FBXO34: variants seen among roughly 807,000 people sequenced by gnomAD.
FBXO34 encodes the protein F-box only protein 34.
FBXO34 carries 12 observed loss-of-function variants against 24.5 expected under a neutral mutation model. That is an observed-to-expected ratio of 0.49 (90% CI 0.31 to 0.79). The LOEUF (loss-of-function observed/expected upper bound fraction) is 0.79. FBXO34 is among the 30% of genes least tolerant of loss of function. The pLI is 0.04. For missense variants in FBXO34, 823 were observed against 857.7 expected (o/e 0.96, Z 0.51); for synonymous variants, 320 against 311.9 (o/e 1.03, Z -0.27).
At chr14:55,348,742 G>T (rs995637050) in intron 1 of FBXO34, among the ~76,000 whole-genome samples, 3 of 152,224 alleles carry the variant, frequency 2.0e-5, no homozygotes, top group South Asian at 2.1e-4. Context: ...CTGGCTAGAA[G>T]ATATCAATAT....
intron 1 of FBXO34, among the ~76,000 whole-genome samples, chr14:55,317,136 T>C (rs529764959): frequency 6.6e-6 from 1 of 152,200 alleles, no homozygotes; most frequent in South Asian, 2.1e-4. Flanking sequence ...AAGGCCTTAC[T>C]GTGTCAGCCT....
intron 1 of FBXO34, among the ~76,000 whole-genome samples, chr14:55,304,733 C>G (rs1286857217): frequency 1.3e-5 from 2 of 152,148 alleles, no homozygotes; most frequent in Non-Finnish European, 2.9e-5. Context: ...CTCCTGGCCT[C>G]AAGTGATCCT....
downstream of FBXO34, chr14:55,369,561 A>C (rs1357984198): frequency 5.1e-6 from 7 of 1,371,022 alleles, no homozygotes; most frequent in Non-Finnish European, 6.8e-6. Context: ...TGTTTACTAG[A>C]GTGTAGTGGG....
At chr14:55,363,868 C>T (rs1185139393), downstream of FBXO34, among the ~76,000 whole-genome samples, 1 of 151,750 alleles carries the variant, frequency 6.6e-6, no homozygotes, top group Non-Finnish European at 1.5e-5. Context: ...CTTAATGCCT[C>T]TGCGTTTTTT....
chr14:55,387,737 C>T, the FBXO34 span, among the ~76,000 whole-genome samples: 1 of 151,994 alleles, frequency 6.6e-6, no homozygotes, highest in East Asian at 2.0e-4. Flanking sequence ...TGGTGCATCT[C>T]GGCTCACTGC....
chr14:55,307,583 A>T (rs1198374546), intron 1 of FBXO34, among the ~76,000 whole-genome samples: 1 of 152,244 alleles, frequency 6.6e-6, no homozygotes, highest in Non-Finnish European at 1.5e-5. Context: ...CTTTATAAAC[A>T]AGGTAGAAAG....
chr14:55,432,272 G>C, the FBXO34 span, among the ~76,000 whole-genome samples: 2 of 150,526 alleles, frequency 1.3e-5, no homozygotes, highest in Non-Finnish European at 3.0e-5. Flanking sequence ...AATTAGCCAG[G>C]CCTGGTGGTG....
chr14:55,352,534 GT>G lies in FBXO34; in HGVS notation c.*9del, dbSNP rs1321618479. ...GCTGAAGAGGAATACTAAAGTCCATGTGAGAGGCAACAAAAGGACCGGTTTC... is the reference window on the plus strand; with the variant it reads ...GCTGAAGAGGAATACTAAAGTCCATGGAGAGGCAACAAAAGGACCGGTTTC... On this transcript the variant is annotated 3_prime_UTR_variant, in exon 2 of 2. Transcript: ENST00000313833. 6.3e-7 allele frequency: 1 copy of G among 1,580,862 alleles called. No homozygotes were observed. The highest frequency in any genetic ancestry group is 8.6e-7 in the Non-Finnish European group (1 of 1,165,036).
chr14:55,301,186 C>T (rs1356065066), intron 1 of FBXO34, among the ~76,000 whole-genome samples: 1 of 152,132 alleles, frequency 6.6e-6, no homozygotes, highest in Non-Finnish European at 1.5e-5. Flanking sequence ...CCTGTAATCA[C>T]AGCACTTTGG....
intron 1 of FBXO34, among the ~76,000 whole-genome samples, chr14:55,318,919 A>G (rs146781079): frequency 6.6e-6 from 1 of 152,148 alleles, no homozygotes; most frequent in Non-Finnish European, 1.5e-5. Flanking sequence ...GACTGTCTCC[A>G]TGGGATTTCA....
chr14:55,372,910 A>G (rs1884850381), downstream of FBXO34, among the ~76,000 whole-genome samples: 1 of 152,156 alleles, frequency 6.6e-6, no homozygotes, highest in South Asian at 2.1e-4. Context: ...AGCTAAGTAC[A>G]ATGAAAAGCG....
chr14:55,393,116 T>C, the FBXO34 span, among the ~76,000 whole-genome samples: 10 of 152,218 alleles, frequency 6.6e-5, no homozygotes, highest in Admixed American at 2.0e-4. Context: ...GCGCGGTGGC[T>C]CACGCCTGTA....
At chr14:55,285,248 C>G (rs1881718423) in intron 1 of FBXO34, 2 of 150,136 alleles carry the variant, frequency 1.3e-5, no homozygotes, top group South Asian at 4.3e-4. Flanking sequence ...TGGCGCATTC[C>G]TGGAATCCCA....
At chr14:55,341,530 T>TA (rs1171582237) in intron 1 of FBXO34, among the ~76,000 whole-genome samples, 4 of 152,204 alleles carry the variant, frequency 2.6e-5, no homozygotes, top group African/African-American at 9.7e-5. Flanking sequence ...TCAGTTTCTG[T>TA]AAAAAATATT....
the FBXO34 span, chr14:55,395,907 C>A: frequency 4.1e-6 from 6 of 1,467,938 alleles, no homozygotes; most frequent in Non-Finnish European, 3.6e-6. Context: ...AAACATGTAG[C>A]CTCAAGTAAA....
chr14:55,291,678 C>T (rs903159939), intron 1 of FBXO34, among the ~76,000 whole-genome samples: 1 of 151,902 alleles, frequency 6.6e-6, no homozygotes, highest in African/African-American at 2.4e-5. Flanking sequence ...TAATAAAAAC[C>T]CCAACAAATT....
chr14:55,414,773 C>T, the FBXO34 span, among the ~76,000 whole-genome samples: 5 of 152,174 alleles, frequency 3.3e-5, no homozygotes, highest in African/African-American at 4.8e-5. Flanking sequence ...TCAGCACCTG[C>T]GGGCACTTAG....
chr14:55,346,378 T>C (rs1212894805), intron 1 of FBXO34, among the ~76,000 whole-genome samples: 1 of 152,150 alleles, frequency 6.6e-6, no homozygotes, highest in Non-Finnish European at 1.5e-5. Context: ...GGCGATGAGA[T>C]GTGGGGATCA....
intron 1 of FBXO34, among the ~76,000 whole-genome samples, chr14:55,294,740 T>C (rs1007950584): frequency 6.6e-6 from 1 of 152,222 alleles, no homozygotes. Context: ...GTGCTAAGTT[T>C]AAGAACTGTA....
Sources: allele counts gnomAD v4.1 joint callset (sites outside exome capture counted in the v4.1 genomes callset), GRCh38; gene constraint gnomAD v4.1.1; transcripts MANE v1.5; gene names NCBI Gene and HGNC (gene_info 2026-07-23, HGNC 2026-07-21).